The following CREB5 variants were observed in gnomAD, a reference collection of about 807,000 sequenced individuals.
CREB5 encodes cAMP responsive element binding protein 5, also known as cyclic AMP-responsive element-binding protein 5.
In CREB5, 19 loss-of-function variants were observed where a neutral mutation model predicts 57.1. The ratio of observed to expected loss-of-function variants is 0.33; its 90% CI spans 0.23 to 0.49. CREB5 has a LOEUF of 0.49. Ranked by LOEUF, CREB5 falls within the 20% of genes least tolerant of loss-of-function variation. The pLI is 0.99. For synonymous variants in CREB5, 238 were observed against 238.3 expected, an observed-to-expected ratio of 1.00 and a Z score of 0.01; for missense variants, 579 against 671.6, an observed-to-expected ratio of 0.86 and a Z score of 1.52.
At chr7:28,547,209 C>T (rs1794455375) in intron 4 of CREB5, among the ~76,000 whole-genome samples, 1 of 152,158 alleles carries the variant, frequency 6.6e-6, no homozygotes. Context: ...TATTTAATTT[C>T]CCTGAGTTCA....
intron 1 of CREB5, among the ~76,000 whole-genome samples, chr7:28,359,723 A>G (rs1318731403): frequency 6.6e-6 from 1 of 152,196 alleles, no homozygotes; most frequent in Non-Finnish European, 1.5e-5. Flanking sequence ...GATAAATAGG[A>G]TTACATCAAA....
intron 4 of CREB5, among the ~76,000 whole-genome samples, chr7:28,536,137 T>A (rs1165463849): frequency 6.6e-6 from 1 of 152,178 alleles, no homozygotes; most frequent in Non-Finnish European, 1.5e-5. Flanking sequence ...CTATGTCTGC[T>A]GAGAAACCAG....
chr7:28,593,223 T>TA (rs398111180), intron 5 of CREB5, among the ~76,000 whole-genome samples: 2 of 152,052 alleles, frequency 1.3e-5, no homozygotes, highest in Middle Eastern at 3.2e-3. Flanking sequence ...CAAGTTTTTT[T>TA]ATTTTATTGA....
In CREB5 at chr7:28,484,732, T is replaced by A. The variant is rs563613743; in HGVS notation, c.4-3443T>A. The stretch of plus-strand genomic sequence containing the variant: ...ATAACAATTGTAACCCAGTAGAACC[T>A]ATCAATGACTAAACTCTAAGTGATT... On this transcript the variant is annotated intron_variant, in intron 1 of 10. Transcript: ENST00000357727. Among the ~76,000 whole-genome samples the A allele has an allele frequency of 2.0e-5, 3 of 152,312 alleles. No homozygotes were observed. The South Asian group carries it at 6.2e-4, about 32-fold the overall frequency.
Position 28,530,783 on chromosome 7 carries a change from C to T in CREB5, c.291+23046C>T, listed in dbSNP as rs59131815. Among the ~76,000 whole-genome samples the T allele has an allele frequency of 1.2e-3, 187 of 152,314 alleles. 1 individual carries two copies. The highest frequency in any genetic ancestry group is 4.0e-3 in the African/African-American group (166 of 41,570). Reference sequence around the variant, plus strand: ...AAAATAAACAAGCAGTGCTGGAACTCTCTAGAGTCCCCACTCATCTCCACC... The same window carrying T: ...AAAATAAACAAGCAGTGCTGGAACTTTCTAGAGTCCCCACTCATCTCCACC... On this transcript the variant is annotated intron_variant, in intron 4 of 10. Transcript: ENST00000357727.
intron 8 of CREB5, 108 bp downstream of exon 8, chr7:28,804,630 C>A: frequency 7.4e-7 from 1 of 1,355,940 alleles, no homozygotes; most frequent in Non-Finnish European, 1.0e-6. Context: ...CCCAGGTGTT[C>A]TATCTCACAT....
intron 7 of CREB5, among the ~76,000 whole-genome samples, chr7:28,775,007 G>A (rs995633962): frequency 6.6e-6 from 1 of 152,184 alleles, no homozygotes; most frequent in African/African-American, 2.4e-5. Context: ...AATCTCCAAA[G>A]GCAGTTTGAG....
At chr7:28,555,026 C>T (rs186804951) in intron 4 of CREB5, among the ~76,000 whole-genome samples, 3 of 152,094 alleles carry the variant, frequency 2.0e-5, no homozygotes, top group East Asian at 1.9e-4. Context: ...CCCTCTCCTC[C>T]GCCTTCACTG....
intron 7 of CREB5, among the ~76,000 whole-genome samples, chr7:28,776,113 G>T (rs973246577): frequency 3.3e-5 from 5 of 152,030 alleles, no homozygotes; most frequent in Middle Eastern, 3.4e-3. Flanking sequence ...CGAGGCGGGC[G>T]GATCATGAGG....
chr7:28,465,116 T>G (rs1583495769), intron 1 of CREB5, among the ~76,000 whole-genome samples: 1 of 152,166 alleles, frequency 6.6e-6, no homozygotes, highest in South Asian at 2.1e-4. Flanking sequence ...GATAGGATGC[T>G]AATGGGAGGG....
At chr7:28,376,153 G>T (rs756211236) in intron 1 of CREB5, among the ~76,000 whole-genome samples, 8 of 152,178 alleles carry the variant, frequency 5.3e-5, no homozygotes, top group Non-Finnish European at 1.2e-4. Context: ...ATCATCAGCT[G>T]CTGCAGATGG....
At chr7:28,767,637 A>T (rs1234382638) in intron 7 of CREB5, among the ~76,000 whole-genome samples, 1 of 152,188 alleles carries the variant, frequency 6.6e-6, no homozygotes, top group Admixed American at 6.5e-5. Flanking sequence ...GAGAGAAGCG[A>T]CACACTGCAA....
intron 1 of CREB5, among the ~76,000 whole-genome samples, chr7:28,372,991 T>C (rs1786742785): frequency 6.6e-6 from 1 of 152,212 alleles, no homozygotes. Context: ...GACACACCGC[T>C]CTGGCTCCTG....
intron 5 of CREB5, among the ~76,000 whole-genome samples, chr7:28,678,730 C>T: frequency 6.6e-6 from 1 of 152,086 alleles, no homozygotes; most frequent in East Asian, 1.9e-4. Context: ...ACTCAGGGGC[C>T]CAGTTAATAA....
chr7:28,789,909 G>A (rs1807563630), intron 7 of CREB5, among the ~76,000 whole-genome samples: 1 of 152,132 alleles, frequency 6.6e-6, no homozygotes, highest in Admixed American at 6.5e-5. Context: ...ATGAGAATAT[G>A]CCTCTGTTTC....
chr7:28,592,746 G>T (rs1488900996), intron 5 of CREB5, among the ~76,000 whole-genome samples: 1 of 152,186 alleles, frequency 6.6e-6, no homozygotes, highest in Admixed American at 6.5e-5. Flanking sequence ...AGAAGTGAGA[G>T]GCTGAGATAA....
intron 7 of CREB5, among the ~76,000 whole-genome samples, chr7:28,779,753 T>C (rs1806864221): frequency 3.3e-5 from 5 of 152,274 alleles, no homozygotes; most frequent in Non-Finnish European, 4.4e-5. Context: ...TTTGTTCCTC[T>C]CAAACCCGTC....
chr7:28,636,473 A>G (rs1798421684), intron 5 of CREB5, among the ~76,000 whole-genome samples: 1 of 152,172 alleles, frequency 6.6e-6, no homozygotes, highest in Non-Finnish European at 1.5e-5. Context: ...GGCAAACACC[A>G]TATACTGCTC....
chr7:28,765,963 C>T (rs531242504), intron 7 of CREB5, among the ~76,000 whole-genome samples: 9 of 152,062 alleles, frequency 5.9e-5, no homozygotes, highest in East Asian at 1.9e-4. Flanking sequence ...TTGGGTGGTG[C>T]GGCAGGGAAA....
Sources: allele counts gnomAD v4.1 joint callset (sites outside exome capture counted in the v4.1 genomes callset), GRCh38; gene constraint gnomAD v4.1.1; transcripts MANE v1.5; gene names NCBI Gene and HGNC (gene_info 2026-07-23, HGNC 2026-07-21).